The following DNAH3 variants were observed in gnomAD, a reference collection of about 807,000 sequenced individuals.
DNAH3 encodes dynein axonemal heavy chain 3, also known as axonemal beta dynein heavy chain 3.
A neutral mutation model predicts 432.5 loss-of-function variants in DNAH3; 332 were observed. The ratio of observed to expected loss-of-function variants is 0.77; its 90% CI spans 0.70 to 0.84. DNAH3 has a LOEUF of 0.84. Ranked by LOEUF, DNAH3 falls within the 40% of genes least tolerant of loss-of-function variation. The probability of loss-of-function intolerance (pLI) is 0.00; values close to 1 mark genes in which losing one functional copy is unlikely to be tolerated. For missense variants in DNAH3, 4,861 were observed against 5,114.0 expected (o/e 0.95, Z 1.51); for synonymous variants, 1,956 against 1,900.2 (o/e 1.03, Z -0.76).
intron 18 of DNAH3, among the ~76,000 whole-genome samples, chr16:21,096,759 G>A (rs978466260): frequency 6.6e-6 from 1 of 152,068 alleles, no homozygotes; most frequent in African/African-American, 2.4e-5. Context: ...CTGGAAGTTG[G>A]TTCTTTGCTG....
At chr16:21,010,527 A>C (rs1192391670) in intron 41 of DNAH3, among the ~76,000 whole-genome samples, 1 of 152,194 alleles carries the variant, frequency 6.6e-6, no homozygotes, top group South Asian at 2.1e-4. Flanking sequence ...CCCAACATTG[A>C]CAGAATCCCA....
At chr16:20,988,118 C>T (rs2152674919) in intron 44 of DNAH3, 53 bp from the exon 45 acceptor site, 1 of 1,604,856 alleles carries the variant, frequency 6.2e-7, no homozygotes, top group Non-Finnish European at 8.5e-7. Context: ...TATTCTCACA[C>T]TGTCTGTGAC....
intron 39 of DNAH3, among the ~76,000 whole-genome samples, chr16:21,023,786 G>GTGTGTGTGTGT (rs1567654144): frequency 0.022 from 3,166 of 146,432 alleles, 130 homozygotes; most frequent in African/African-American, 0.075. Flanking sequence ...CAGCTTTTGG[G>GTGTGTGTGTGT]GTGTGTGTGT....
At chr16:21,060,526 CTTTTTTTTTTTTT>C (rs375746116) in intron 25 of DNAH3, among the ~76,000 whole-genome samples, 170 bp from the exon 26 acceptor site, 1 of 93,420 alleles carries the variant, frequency 1.1e-5, no homozygotes, top group African/African-American at 3.9e-5. Flanking sequence ...TTTTTTTTTT[CTTTTTTTTTTTTT>C]TTTTGATACA....
chr16:20,954,735 A>C, intron 55 of DNAH3, 78 bp downstream of exon 55: 2 of 1,520,204 alleles, frequency 1.3e-6, no homozygotes, highest in South Asian at 2.6e-5. Flanking sequence ...CGCAAGCTTA[A>C]ACACGCACCT....
At chr16:20,957,550 C>T (rs189804734) in intron 54 of DNAH3, among the ~76,000 whole-genome samples, 441 of 152,088 alleles carry the variant, frequency 2.9e-3, no homozygotes, top group Non-Finnish European at 4.6e-3. Context: ...TGGTGGCTCA[C>T]GCCTGTAATC....
intron 11 of DNAH3, among the ~76,000 whole-genome samples, chr16:21,117,555 A>G (rs2092234724): frequency 6.6e-6 from 1 of 151,906 alleles, no homozygotes; most frequent in Non-Finnish European, 1.5e-5. Context: ...CAAATCCCTG[A>G]CCTTTCAAGG....
In DNAH3 at chr16:20,982,605, A is replaced by G. The variant is rs62034884; in HGVS notation, c.7859+116T>C. 2.6e-3 allele frequency: 2,031 copies of G among 773,218 alleles called. 9 individuals are homozygous for G. Among genetic ancestry groups the G allele is most frequent in the African/African-American group, 4.1e-3 (239 of 57,774 alleles). The allele number at this position is 773,218 out of a possible 1,614,324, so 47.9% of individuals were successfully genotyped here. On this transcript the variant is annotated intron_variant, in intron 49 of 61. Coordinates refer to ENST00000261383, the Ensembl canonical transcript of DNAH3. The stretch of plus-strand genomic sequence containing the variant: ...ACTAACTGTGATTCAATTTAAAAGC[A>G]TAAGACATTTGCTATATACAAATTG...
At chr16:20,936,843 C>T in exon 60 of DNAH3, 1 of 1,611,080 alleles carries the variant, frequency 6.2e-7, no homozygotes, top group Non-Finnish European at 8.5e-7. Flanking sequence ...CTCCGAACCA[C>T]TTTGGTCAGC....
chr16:20,948,756 G>T (rs2084174072), intron 56 of DNAH3, 119 bp from the exon 57 acceptor site: 1 of 1,119,208 alleles, frequency 8.9e-7, no homozygotes, highest in Admixed American at 2.3e-5. Flanking sequence ...TAGTGATAGG[G>T]ACAGCAAGCA....
At chr16:21,036,768 G>A in exon 35 of DNAH3, 2 of 1,613,798 alleles carry the variant, frequency 1.2e-6, no homozygotes, top group Non-Finnish European at 1.7e-6. Flanking sequence ...TCTTTTTGAT[G>A]TTATCATTCA....
intron 33 of DNAH3, among the ~76,000 whole-genome samples, chr16:21,038,856 G>C (rs908465542): frequency 1.3e-5 from 2 of 152,204 alleles, no homozygotes; most frequent in Non-Finnish European, 2.9e-5. Flanking sequence ...GCAGCCTCTT[G>C]GCCTAGGAAG....
chr16:21,001,695 T>C (rs1287947641), intron 42 of DNAH3, among the ~76,000 whole-genome samples: 1 of 152,156 alleles, frequency 6.6e-6, no homozygotes, highest in Non-Finnish European at 1.5e-5. Flanking sequence ...CTAAGGCAGG[T>C]ATGTAATAAC....
At chr16:21,016,924 T>C (rs2087886720) in intron 41 of DNAH3, among the ~76,000 whole-genome samples, 1 of 152,184 alleles carries the variant, frequency 6.6e-6, no homozygotes, top group Admixed American at 6.5e-5. Context: ...TACTGTATGA[T>C]TCCTCTTACA....
chr16:20,985,476 G>A lies in DNAH3; in HGVS notation c.7266C>T (p.Val2422=), dbSNP rs759763275. The change falls in exon 48 of 62, where the codon GTC becomes GTT. Residue 2422 remains valine, a synonymous_variant. Transcript: ENST00000261383. The stretch of plus-strand genomic sequence containing the variant: ...GCAGGTGGCCTTTGTCCTGCTTCAG[G>A]ACACGGCAGATCCTAGAGATGTGCT... 27 of 1,614,188 alleles carry A rather than the reference G, an allele frequency of 1.7e-5. No individual in the cohort carries two copies. The East Asian group carries it at 5.6e-4, about 33-fold the overall frequency.
intron 52 of DNAH3, among the ~76,000 whole-genome samples, chr16:20,966,762 G>C (rs767086101): frequency 9.2e-5 from 14 of 152,200 alleles, no homozygotes; most frequent in Non-Finnish European, 1.5e-4. Flanking sequence ...AGGTGGGTTG[G>C]ATGGAGCCCA....
chr16:21,070,757 T>G, exon 22 of DNAH3: 2 of 1,613,648 alleles, frequency 1.2e-6, no homozygotes, highest in Non-Finnish European at 1.7e-6. Context: ...CCACACATGG[T>G]CTGGGTCTTT....
At position 20,933,215 on chromosome 16, in the gene DNAH3, T is replaced by G. The variant is rs759069539; in HGVS notation, c.12290A>C (p.Asp4097Ala). The change falls in exon 62 of 62, where the codon GAC (aspartate) becomes GCC (alanine). Residue 4097 changes from aspartate to alanine, a missense_variant. Transcript: ENST00000261383. The stretch of plus-strand genomic sequence containing the variant: ...GTTTATCCAGTGCTTCTGGGGCATG[T>G]CTGTTGGAAGCTCAATGGAGAGGAC... 3.7e-6 allele frequency: 6 copies of G among 1,614,272 alleles called. 1 individual carries two copies. The highest frequency in any genetic ancestry group is 3.3e-4 in the Middle Eastern group (2 of 6,062).
chr16:21,020,348 G>GTGTGTGTATA, intron 40 of DNAH3, among the ~76,000 whole-genome samples: 1 of 69,178 alleles, frequency 1.4e-5, no homozygotes, highest in East Asian at 4.7e-4. Flanking sequence ...TATAGTGTGT[G>GTGTGTGTATA]TATATATATA....
Sources: gnomAD v4.1 joint callset for allele counts (sites outside exome capture counted in the v4.1 genomes callset) on GRCh38, gnomAD v4.1.1 for gene constraint, MANE v1.5 for transcripts, NCBI Gene and HGNC (gene_info 2026-07-23, HGNC 2026-07-21) for gene names.